The following CREBBP variants were observed in gnomAD, a reference collection of about 807,000 sequenced individuals.
CREBBP encodes CREB-binding protein.
A neutral mutation model predicts 265.0 loss-of-function variants in CREBBP; 19 were observed. The ratio of observed to expected loss-of-function variants is 0.07; its 90% confidence interval spans 0.05 to 0.11. The LOEUF is 0.11. Ranked by LOEUF, CREBBP falls within the 10% of genes least tolerant of loss-of-function variation. CREBBP has a pLI of 1.00. For missense variants in CREBBP, 2,525 were observed against 3,219.0 expected, an observed-to-expected ratio of 0.78 and a Z score of 5.22; for synonymous variants, 1,457 against 1,223.7, an observed-to-expected ratio of 1.19 and a Z score of -3.98.
At chr16:3,839,455 C>T (rs1043784616) in intron 2 of CREBBP, among the ~76,000 whole-genome samples, 5 of 151,770 alleles carry the variant, frequency 3.3e-5, no homozygotes, top group Admixed American at 6.6e-5. Context: ...CTGAGGCAGG[C>T]GGATCACCTG....
chr16:3,771,636 C>T (rs34386584), intron 13 of CREBBP, among the ~76,000 whole-genome samples: 9 of 151,666 alleles, frequency 5.9e-5, no homozygotes, highest in Non-Finnish European at 1.5e-5. Flanking sequence ...CAATATTTAC[C>T]AAGATTTTTG....
chr16:3,878,348 GTCAAAC>G (rs1174193982), intron 1 of CREBBP, among the ~76,000 whole-genome samples: 1 of 152,120 alleles, frequency 6.6e-6, no homozygotes, highest in East Asian at 1.9e-4. Context: ...TAAGATTAAC[GTCAAAC>G]TCAACTTTTA....
In CREBBP at chr16:3,736,644, G is replaced by A. The variant is rs369973805; in HGVS notation, c.4560+6C>T. The A allele has an allele frequency of 9.3e-5, 150 of 1,614,084 alleles. No individual in the cohort carries two copies. Among genetic ancestry groups the A allele is most frequent in the South Asian group, 2.2e-4 (20 of 91,090 alleles). ...AAAGCCACCACCTTCCTTCAGCGCC[G>A]GGTACCTTGTAGTCATGGATGATCC... On this transcript the variant is annotated splice_donor_region_variant and intron_variant, in intron 27 of 30. Coordinates refer to ENST00000262367, the MANE Select transcript of CREBBP (RefSeq NM_004380.3).
Position 3,865,249 on chromosome 16 carries a change from G to A in CREBBP, c.86-14240C>T, listed in dbSNP as rs1400179136. Among the ~76,000 whole-genome samples the A allele has an allele frequency of 2.0e-5, 3 of 152,162 alleles. No homozygotes were observed. The East Asian group carries it at 5.8e-4, about 29-fold the overall frequency. ...ATGAATCTGTTCCATAGATTTGCCT[G>A]TCCGCATAACTTTACAAGGCTATTC... On this transcript the variant is annotated intron_variant, in intron 1 of 30. Transcript: ENST00000262367.
intron 12 of CREBBP, among the ~76,000 whole-genome samples, chr16:3,774,149 G>A (rs1296956498): frequency 6.6e-6 from 1 of 152,212 alleles, no homozygotes. Flanking sequence ...AAATGAGCCA[G>A]CTTCAAAATG....
chr16:3,726,763 AC>A lies in CREBBP; in HGVS notation c.*954del, dbSNP rs1328783479. On this transcript the variant is annotated 3_prime_UTR_variant, in exon 31 of 31. Coordinates refer to ENST00000262367, the MANE Select transcript of CREBBP (RefSeq NM_004380.3). ...GAAAACAGCATTTTCATAACAAAAA[AC>A]CCCGAACACTAAGTGTTAATACCAT... The A allele has an allele frequency of 4.3e-6, 1 of 233,414 alleles. No individual in the cohort carries two copies. Among genetic ancestry groups the A allele is most frequent in the African/African-American group, 2.2e-5 (1 of 45,316 alleles). 14.5% of individuals were successfully genotyped at this position (233,414 alleles called of 1,614,324 possible).
intron 1 of CREBBP, among the ~76,000 whole-genome samples, chr16:3,867,578 C>T (rs933801154): frequency 6.6e-6 from 1 of 151,940 alleles, no homozygotes; most frequent in African/African-American, 2.4e-5. Context: ...TATCTAAATG[C>T]AGCACCAAAA....
rs201137835 is a variant in CREBBP at position 3,751,716 on chromosome 16, C to T, written c.3779+10G>A. On this transcript the variant is annotated intron_variant, in intron 20 of 30. Transcript: ENST00000262367. ...CCTCACCCCAGAGAAAATGACAGGACGGTACTTACGTCTGGGGCTGTGAAG... is the reference window on the plus strand; with the variant it reads ...CCTCACCCCAGAGAAAATGACAGGATGGTACTTACGTCTGGGGCTGTGAAG... The T allele has an allele frequency of 5.0e-5, 81 of 1,613,674 alleles. No homozygotes were observed. The highest frequency in any genetic ancestry group is 6.4e-5 in the Non-Finnish European group (76 of 1,179,692).
At position 3,736,824 on chromosome 16, in the gene CREBBP, C is replaced by T. The variant is rs2151330254; in HGVS notation, c.4395-9G>A. On this transcript the variant is annotated splice_polypyrimidine_tract_variant and intron_variant, in intron 26 of 30. Transcript: ENST00000262367. Reference sequence around the variant, plus strand: ...TGTGCCCTGTCACATACCTGCAGGACCCACGCACACACGTCAGATGAACGT... The same window carrying T: ...TGTGCCCTGTCACATACCTGCAGGATCCACGCACACACGTCAGATGAACGT... 1 of 1,614,108 alleles carries T rather than the reference C, an allele frequency of 6.2e-7. No individual in the cohort carries two copies. Among genetic ancestry groups the T allele is most frequent in the Non-Finnish European group, 8.5e-7 (1 of 1,180,028 alleles).
rs577278247 is a variant in CREBBP, at chr16:3,867,410, T to G, written c.85+12422A>C. Among the ~76,000 whole-genome samples, 6 of 152,262 alleles carry G rather than the reference T, an allele frequency of 3.9e-5. No individual in the cohort carries two copies. The East Asian group carries it at 1.2e-3, about 29-fold the overall frequency. On this transcript the variant is annotated intron_variant, in intron 1 of 30. Coordinates refer to ENST00000262367, the MANE Select transcript of CREBBP (RefSeq NM_004380.3). Reference sequence around the variant, plus strand: ...CGGAGGCTGAAGTGGGAGGATGGCTTGAGCCCAGGAGTTTGAGGCTAGAGT... The same window carrying G: ...CGGAGGCTGAAGTGGGAGGATGGCTGGAGCCCAGGAGTTTGAGGCTAGAGT...
chr16:3,801,074 C>T (rs2053702846), intron 3 of CREBBP, among the ~76,000 whole-genome samples: 4 of 152,180 alleles, frequency 2.6e-5, no homozygotes, highest in Admixed American at 2.6e-4. Context: ...GAAGAGTACT[C>T]TGGGGACTAG....
intron 2 of CREBBP, among the ~76,000 whole-genome samples, chr16:3,820,528 A>C (rs1433186959): frequency 6.6e-6 from 1 of 152,232 alleles, no homozygotes; most frequent in African/African-American, 2.4e-5. Context: ...GATAAGTCCT[A>C]ACTGGAAGAC....
intron 11 of CREBBP, 32 bp from the exon 12 acceptor site, chr16:3,774,725 A>G: frequency 6.2e-7 from 1 of 1,614,096 alleles, no homozygotes; most frequent in Non-Finnish European, 8.5e-7. Context: ...TTCATTAGGA[A>G]AAGCACCCAC....
At chr16:3,814,173 G>A (rs2053990207) in intron 2 of CREBBP, among the ~76,000 whole-genome samples, 1 of 148,574 alleles carries the variant, frequency 6.7e-6, no homozygotes, top group Non-Finnish European at 1.5e-5. Context: ...TAGTGTGTGT[G>A]TGTGTGTGTG....
chr16:3,875,674 G>C (rs2055385722), intron 1 of CREBBP, among the ~76,000 whole-genome samples: 1 of 152,192 alleles, frequency 6.6e-6, no homozygotes, highest in Non-Finnish European at 1.5e-5. Context: ...TAGAGACTTA[G>C]AAAATAAATA....
chr16:3,869,135 T>C (rs765930294), intron 1 of CREBBP, among the ~76,000 whole-genome samples: 2 of 152,174 alleles, frequency 1.3e-5, no homozygotes, highest in Non-Finnish European at 2.9e-5. Flanking sequence ...CAGGTGTCAG[T>C]GCTAACGTCA....
At chr16:3,858,732 G>C (rs2055013053) in intron 1 of CREBBP, among the ~76,000 whole-genome samples, 1 of 152,160 alleles carries the variant, frequency 6.6e-6, no homozygotes, top group African/African-American at 2.4e-5. Flanking sequence ...GAATTCTCTA[G>C]AAATATTACA....
chr16:3,824,080 C>T (rs1363154121), intron 2 of CREBBP, among the ~76,000 whole-genome samples: 1 of 152,130 alleles, frequency 6.6e-6, no homozygotes, highest in Admixed American at 6.5e-5. Flanking sequence ...TTCTCCCAAG[C>T]CAAAGGTAAG....
chr16:3,798,289 C>T (rs570789764), intron 3 of CREBBP, among the ~76,000 whole-genome samples: 41 of 152,030 alleles, frequency 2.7e-4, no homozygotes, highest in African/African-American at 9.7e-4. Context: ...TACTACGTCA[C>T]CAAAAGTGCA....
Sources: gnomAD v4.1 joint callset for allele counts (sites outside exome capture counted in the v4.1 genomes callset) on GRCh38, gnomAD v4.1.1 for gene constraint, MANE v1.5 for transcripts, NCBI Gene and HGNC (gene_info 2026-07-23, HGNC 2026-07-21) for gene names.